Variants in ZNF423 observed in about 807,000 individuals in gnomAD.
ZNF423 encodes the protein zinc finger protein 423.
A neutral mutation model predicts 95.8 loss-of-function variants in ZNF423; 12 were observed. The observed-to-expected ratio is 0.13, with a 90% CI of 0.08 to 0.20. ZNF423 has a LOEUF of 0.20. Among genes scored for constraint, ZNF423 ranks in the 10% least tolerant of loss-of-function variants. The pLI is 1.00. For synonymous variants in ZNF423, 749 were observed against 711.9 expected, an observed-to-expected ratio of 1.05 and a Z score of -0.83; for missense variants, 1,316 against 1,737.1, an observed-to-expected ratio of 0.76 and a Z score of 4.31.
chr16:49,499,138 G>A (rs568739028), intron 7 of ZNF423, among the ~76,000 whole-genome samples: 2 of 152,310 alleles, frequency 1.3e-5, no homozygotes, highest in Admixed American at 1.3e-4. Context: ...AGGTTTGCCC[G>A]AGTGGGTGTG....
At chr16:49,802,548 C>G (rs1342903561) in intron 1 of ZNF423, among the ~76,000 whole-genome samples, 1 of 152,164 alleles carries the variant, frequency 6.6e-6, no homozygotes, top group Non-Finnish European at 1.5e-5. Context: ...TAAATGTGCA[C>G]GATCAGCGCA....
chr16:49,699,564 G>C lies in ZNF423; in HGVS notation c.301+31207C>G, dbSNP rs139683474. ...TGGAAGGAGGTTTGCCATCTGATTT[G>C]GCAAATAGTATGTGTTTTCAAAAGA... On this transcript the variant is annotated intron_variant, in intron 3 of 7. Transcript: ENST00000563137. Among the ~76,000 whole-genome samples the C allele has an allele frequency of 1.9e-4, 29 of 151,938 alleles. No homozygotes were observed. In the East Asian group the frequency reaches 5.0e-3, roughly 26 times the overall value.
In ZNF423 at chr16:49,603,546, A is replaced by G. The variant is rs998320283; in HGVS notation, c.3601+22624T>C. Among the ~76,000 whole-genome samples, 3 of 152,010 alleles carry G rather than the reference A, an allele frequency of 2.0e-5. No individual in the cohort carries two copies. Among genetic ancestry groups the G allele is most frequent in the African/African-American group, 7.3e-5 (3 of 41,364 alleles). ...TGCCTCAGCCTCCAGAGTAGCTGGGATTACAGGCGCCCGCCACCACGCCCA... is the reference window on the plus strand; with the variant it reads ...TGCCTCAGCCTCCAGAGTAGCTGGGGTTACAGGCGCCCGCCACCACGCCCA... On this transcript the variant is annotated intron_variant, in intron 5 of 7. Transcript: ENST00000563137. The surrounding 1 kb of genome is among the most constrained non-coding windows in gnomAD (Gnocchi z 4.1).
intron 2 of ZNF423, among the ~76,000 whole-genome samples, chr16:49,739,370 T>C (rs2033363469): frequency 6.6e-6 from 1 of 152,066 alleles, no homozygotes; most frequent in Admixed American, 6.6e-5. Context: ...CTCCTGAGGA[T>C]GCAGGAGGAC....
chr16:49,691,455 G>A (rs1205173799), intron 3 of ZNF423, among the ~76,000 whole-genome samples: 1 of 152,192 alleles, frequency 6.6e-6, no homozygotes, highest in Non-Finnish European at 1.5e-5. Flanking sequence ...ATCCTCGGCC[G>A]GGCGCAGTGG....
In ZNF423 at chr16:49,526,036, A is replaced by G. The variant is rs76296203; in HGVS notation, c.3602-542T>C. Among the ~76,000 whole-genome samples, 944 of 152,224 alleles carry G rather than the reference A, an allele frequency of 6.2e-3. 3 individuals carry two copies. The highest frequency in any genetic ancestry group is 0.019 in the South Asian group (90 of 4,824). ...CAGTGTCAGGAGGTGATGTGAATAC[A>G]TGGCGAGAGCACTCTAGGAGAGGGG... On this transcript the variant is annotated intron_variant, in intron 5 of 7. Transcript: ENST00000563137.
intron 3 of ZNF423, among the ~76,000 whole-genome samples, chr16:49,674,258 G>C (rs1461684848): frequency 1.3e-5 from 2 of 152,186 alleles, no homozygotes; most frequent in Non-Finnish European, 2.9e-5. Context: ...AAATTTTGCT[G>C]TGCAGTCCAA....
At chr16:49,585,333 C>G (rs1970795166) in intron 5 of ZNF423, among the ~76,000 whole-genome samples, 1 of 152,188 alleles carries the variant, frequency 6.6e-6, no homozygotes, top group Admixed American at 6.5e-5. Flanking sequence ...CCCTGAGGAG[C>G]AGCCCACACC....
chr16:49,803,807 C>T (rs992038169), intron 1 of ZNF423, among the ~76,000 whole-genome samples: 2 of 151,766 alleles, frequency 1.3e-5, no homozygotes, highest in Admixed American at 1.3e-4. Context: ...GGAGTGCAGA[C>T]ACAAGGGAGG....
In ZNF423 at chr16:49,805,199, C is replaced by T. The variant is rs563115639; in HGVS notation, c.41-15653G>A. On this transcript the variant is annotated intron_variant, in intron 1 of 7. Coordinates refer to ENST00000563137, the MANE Select transcript of ZNF423 (RefSeq NM_001379286.1). ...ATTATATGTTGCCCACAACCATACTCTCAGCCCCTTTAGGGAAAGTCTCTC... is the reference window on the plus strand; with the variant it reads ...ATTATATGTTGCCCACAACCATACTTTCAGCCCCTTTAGGGAAAGTCTCTC... Among the ~76,000 whole-genome samples the T allele has an allele frequency of 8.3e-4, 127 of 152,332 alleles. 1 individual carries two copies. Among genetic ancestry groups the T allele is most frequent in the African/African-American group, 2.8e-3 (116 of 41,560 alleles).
At chr16:49,774,043 C>T (rs957061003) in intron 2 of ZNF423, among the ~76,000 whole-genome samples, 2 of 152,318 alleles carry the variant, frequency 1.3e-5, no homozygotes, top group African/African-American at 2.4e-5. Context: ...GCTCCCAAAG[C>T]GAAGCCACAC....
rs59098040 is a variant in ZNF423 at position 49,514,775 on chromosome 16, G to A, written c.3849+8849C>T. On this transcript the variant is annotated intron_variant, in intron 7 of 7. Transcript: ENST00000563137. Reference sequence around the variant, plus strand: ...CTTTGCCACCGCGGGCCCGGCTCACGGAATCACTTCCTGCAGCCCCTGGCT... The same window carrying A: ...CTTTGCCACCGCGGGCCCGGCTCACAGAATCACTTCCTGCAGCCCCTGGCT... 3.2e-3 allele frequency among the ~76,000 whole-genome samples: 487 copies of A among 152,322 alleles called. 2 individuals are homozygous for A. Among genetic ancestry groups the A allele is most frequent in the African/African-American group, 0.011 (441 of 41,568 alleles).
chr16:49,513,929 C>T (rs549034451), intron 7 of ZNF423, among the ~76,000 whole-genome samples: 3 of 151,944 alleles, frequency 2.0e-5, no homozygotes, highest in Non-Finnish European at 4.4e-5. Flanking sequence ...ATCTAGGAAG[C>T]CCCATCTTGA....
chr16:49,585,885 C>T (rs192469471), intron 5 of ZNF423, among the ~76,000 whole-genome samples: 8 of 152,170 alleles, frequency 5.3e-5, no homozygotes, highest in East Asian at 3.9e-4. Context: ...TGTTAGGAGA[C>T]GGAAAAGGAA....
rs568529033 is a variant in ZNF423, at chr16:49,522,395, G to A, written c.3849+1229C>T. 1.4e-4 allele frequency among the ~76,000 whole-genome samples: 22 copies of A among 152,258 alleles called. No individual in the cohort carries two copies. The East Asian group carries it at 2.3e-3, about 16-fold the overall frequency. On this transcript the variant is annotated intron_variant, in intron 7 of 7. Transcript: ENST00000563137. ...CTCTTCTCCCTGCCTCAGTGACTACGGAAACGTGGATGGGCATGGACCCTC... is the reference window on the plus strand; with the variant it reads ...CTCTTCTCCCTGCCTCAGTGACTACAGAAACGTGGATGGGCATGGACCCTC...
chr16:49,853,058 G>C (rs1402638424), intron 1 of ZNF423, among the ~76,000 whole-genome samples: 1 of 152,196 alleles, frequency 6.6e-6, no homozygotes, highest in Admixed American at 6.5e-5. Flanking sequence ...ACAAATTACA[G>C]TCAAGCGACT....
At position 49,495,622 on chromosome 16, in the gene ZNF423, G is replaced by A. The variant is rs373618374; in HGVS notation, c.3850-4318C>T. Among the ~76,000 whole-genome samples, 292 of 152,356 alleles carry A rather than the reference G, an allele frequency of 1.9e-3. 7 individuals carry two copies. The South Asian group carries it at 0.054, about 28-fold the overall frequency. ...GATCCTGAACCCAATCCAGGGTAATGTTTTGTGCATGGAAGGAGCGGGCCA... is the reference window on the plus strand; with the variant it reads ...GATCCTGAACCCAATCCAGGGTAATATTTTGTGCATGGAAGGAGCGGGCCA... On this transcript the variant is annotated intron_variant, in intron 7 of 7. Coordinates refer to ENST00000563137, the MANE Select transcript of ZNF423 (RefSeq NM_001379286.1).
intron 5 of ZNF423, among the ~76,000 whole-genome samples, chr16:49,616,675 A>G (rs901947264): frequency 2.6e-5 from 4 of 152,176 alleles, no homozygotes; most frequent in Admixed American, 2.6e-4. Flanking sequence ...TAAATGAAAA[A>G]TCGGCTTGAT....
At chr16:49,816,238 G>A (rs1414636862) in intron 1 of ZNF423, among the ~76,000 whole-genome samples, 1 of 151,940 alleles carries the variant, frequency 6.6e-6, no homozygotes, top group Middle Eastern at 3.2e-3. Context: ...TTTTAATCCT[G>A]AGCAGCCAAG....
Sources: gnomAD v4.1 joint callset for allele counts (sites outside exome capture counted in the v4.1 genomes callset) on GRCh38, gnomAD v4.1.1 for gene constraint, Gnocchi (gnomAD v3.1) non-coding constraint, MANE v1.5 for transcripts, NCBI Gene and HGNC (gene_info 2026-07-23, HGNC 2026-07-21) for gene names.